The following KCNQ3 variants were observed in gnomAD, a reference collection of about 807,000 sequenced individuals.
The protein encoded by KCNQ3 is potassium voltage-gated channel subfamily KQT member 3.
In KCNQ3, 30 loss-of-function variants were observed where a neutral mutation model predicts 92.5. The observed-to-expected ratio is 0.32, with a 90% CI of 0.24 to 0.44. KCNQ3 has a LOEUF of 0.44. Among genes scored for constraint, KCNQ3 ranks in the 20% least tolerant of loss-of-function variants. KCNQ3 has a pLI of 1.00. For synonymous variants in KCNQ3, 450 were observed against 468.8 expected, an observed-to-expected ratio of 0.96 and a Z score of 0.52; for missense variants, 913 against 1,140.3, an observed-to-expected ratio of 0.80 and a Z score of 2.87.
intron 1 of KCNQ3, among the ~76,000 whole-genome samples, chr8:132,463,177 T>C (rs1822100883): frequency 6.6e-6 from 1 of 152,216 alleles, no homozygotes; most frequent in African/African-American, 2.4e-5. Context: ...TGGCTTCAGT[T>C]GGCAACTTCA....
chr8:132,393,359 G>C (rs56727289), intron 1 of KCNQ3, among the ~76,000 whole-genome samples: 22,002 of 152,226 alleles, frequency 0.14, 1,782 homozygotes, highest in African/African-American at 0.21. Context: ...AAAAAGGCTA[G>C]AGAGTAAATA....
intron 1 of KCNQ3, among the ~76,000 whole-genome samples, chr8:132,245,213 C>T (rs928762391): frequency 6.6e-6 from 1 of 152,090 alleles, no homozygotes. Flanking sequence ...ACTTGCACCC[C>T]AGGCAGTTGT....
chr8:132,406,198 T>C (rs754268406), intron 1 of KCNQ3, among the ~76,000 whole-genome samples: 2 of 152,136 alleles, frequency 1.3e-5, no homozygotes, highest in Non-Finnish European at 2.9e-5. Context: ...AGAACAGATG[T>C]TGGGCTTGGG....
intron 9 of KCNQ3, among the ~76,000 whole-genome samples, chr8:132,155,470 A>G (rs777133466): frequency 6.6e-6 from 1 of 152,192 alleles, no homozygotes; most frequent in Non-Finnish European, 1.5e-5. Flanking sequence ...AATAAAAGCA[A>G]ACCTTTAAAT....
intron 8 of KCNQ3, among the ~76,000 whole-genome samples, chr8:132,167,332 T>G (rs540823233): frequency 3.3e-5 from 5 of 152,154 alleles, no homozygotes; most frequent in Admixed American, 3.3e-4. Context: ...ATAATAAAAT[T>G]GTTCTAGAAT....
chr8:132,380,147 T>C (rs887934952), intron 1 of KCNQ3, among the ~76,000 whole-genome samples: 3 of 152,212 alleles, frequency 2.0e-5, no homozygotes, highest in African/African-American at 7.2e-5. Context: ...CAAGAACTTC[T>C]TAAGAGACTA....
chr8:132,319,050 G>T (rs1057082048), intron 1 of KCNQ3, among the ~76,000 whole-genome samples: 10 of 152,146 alleles, frequency 6.6e-5, no homozygotes, highest in African/African-American at 2.4e-4. Flanking sequence ...TGGCTCCAGA[G>T]AATTTAAAAA....
rs781058299 is a variant in KCNQ3, at chr8:132,303,565, G to GATATATATATATATATAT, written c.387-117385_387-117384insATATATATATATATATAT. Among the ~76,000 whole-genome samples, 102 of 42,562 alleles carry GATATATATATATATATAT rather than the reference G, an allele frequency of 2.4e-3. 22 individuals are homozygous for GATATATATATATATATAT. In the East Asian group the frequency reaches 0.033, roughly 14 times the overall value. The allele number at this position is 42,562 out of a possible 152,430, so 27.9% of individuals were successfully genotyped here. ...ACTTGTGATCAGATAAAGAAAATGT[G>GATATATATATATATATAT]ATATATATATATATGGTGTGTGTGT... is the stretch of plus-strand genomic sequence containing the variant. On this transcript the variant is annotated intron_variant, in intron 1 of 14. Coordinates refer to ENST00000388996, the MANE Select transcript of KCNQ3 (RefSeq NM_004519.4).
chr8:132,356,847 C>G (rs978152), intron 1 of KCNQ3, among the ~76,000 whole-genome samples: 71,647 of 151,914 alleles, frequency 0.47, 19,528 homozygotes, highest in African/African-American at 0.76. Context: ...ATCAAAGAGA[C>G]AAAAAACAGA....
rs181360108 is a variant in KCNQ3 at position 132,257,188 on chromosome 8, T to C, written c.387-71007A>G. 3.4e-3 allele frequency among the ~76,000 whole-genome samples: 523 copies of C among 152,216 alleles called. 1 individual carries two copies. Among genetic ancestry groups the C allele is most frequent in the African/African-American group, 0.012 (499 of 41,546 alleles). On this transcript the variant is annotated intron_variant, in intron 1 of 14. Transcript: ENST00000388996. ...AAATTGATATTAATCTGAACTAGAC[T>C]ATGATAAATTAAAAGAATTAATTTT...
intron 1 of KCNQ3, among the ~76,000 whole-genome samples, chr8:132,380,499 GC>G (rs1414437105): frequency 6.6e-6 from 1 of 152,156 alleles, no homozygotes; most frequent in East Asian, 1.9e-4. Context: ...TAAGAAGCCT[GC>G]CTTGCCTGCT....
At chr8:132,471,896 T>C (rs1274882321) in intron 1 of KCNQ3, among the ~76,000 whole-genome samples, 1 of 152,042 alleles carries the variant, frequency 6.6e-6, no homozygotes, top group Non-Finnish European at 1.5e-5. Flanking sequence ...ATCTAGAATA[T>C]ACAAGAAACT....
At chr8:132,343,102 A>G (rs1818583699) in intron 1 of KCNQ3, among the ~76,000 whole-genome samples, 1 of 152,234 alleles carries the variant, frequency 6.6e-6, no homozygotes, top group Non-Finnish European at 1.5e-5. Context: ...CACTGAACAT[A>G]GTGTAAGGAC....
chr8:132,200,832 G>C (rs896493487), intron 1 of KCNQ3, among the ~76,000 whole-genome samples: 2 of 152,158 alleles, frequency 1.3e-5, no homozygotes, highest in African/African-American at 4.8e-5. Context: ...TCAACGGCTT[G>C]TTTGAATTCA....
intron 1 of KCNQ3, among the ~76,000 whole-genome samples, chr8:132,403,281 A>G (rs1168922294): frequency 6.6e-6 from 1 of 151,990 alleles, no homozygotes; most frequent in Non-Finnish European, 1.5e-5. Context: ...CCTCCTGTGG[A>G]TCTCTGGGTG....
rs185631752 is a variant in KCNQ3 at position 132,398,148 on chromosome 8, G to T, written c.386+81999C>A. On this transcript the variant is annotated intron_variant, in intron 1 of 14. Coordinates refer to ENST00000388996, the MANE Select transcript of KCNQ3 (RefSeq NM_004519.4). ...ATCAAGTTTTTAGAGAAACCTTTTG[G>T]TTTTTTTGTCAAAAGTAAACACAAC... is the stretch of plus-strand genomic sequence containing the variant. Among the ~76,000 whole-genome samples the T allele has an allele frequency of 3.3e-5, 5 of 152,024 alleles. No individual in the cohort carries two copies. The East Asian group carries it at 7.7e-4, about 24-fold the overall frequency.
At chr8:132,299,362 T>C (rs1817146128) in intron 1 of KCNQ3, among the ~76,000 whole-genome samples, 1 of 152,138 alleles carries the variant, frequency 6.6e-6, no homozygotes, top group Admixed American at 6.5e-5. Flanking sequence ...CTCTCCTACA[T>C]TTGGCTTTCT....
chr8:132,195,174 C>T (rs1286269627), intron 1 of KCNQ3, among the ~76,000 whole-genome samples: 4 of 152,150 alleles, frequency 2.6e-5, no homozygotes, highest in Admixed American at 6.6e-5. Context: ...TCCAAATATG[C>T]CGTGTGCTTA....
intron 1 of KCNQ3, among the ~76,000 whole-genome samples, chr8:132,344,711 G>A (rs16904662): frequency 0.08 from 12,178 of 152,182 alleles, 542 homozygotes; most frequent in South Asian, 0.17. Flanking sequence ...TAGGCTACAG[G>A]TTCAGGGTAT....
Sources: allele counts gnomAD v4.1 joint callset (sites outside exome capture counted in the v4.1 genomes callset), GRCh38; gene constraint gnomAD v4.1.1; transcripts MANE v1.5; gene names NCBI Gene and HGNC (gene_info 2026-07-23, HGNC 2026-07-21).